The following CILK1 variants were observed in gnomAD, a reference collection of about 807,000 sequenced individuals.
The protein encoded by CILK1 is ciliogenesis associated kinase 1.
A neutral mutation model predicts 79.2 loss-of-function variants in CILK1; 47 were observed. That is an observed-to-expected ratio of 0.59 (90% confidence interval 0.47 to 0.76). The LOEUF is 0.76. Ranked by LOEUF, CILK1 falls within the 30% of genes least tolerant of loss-of-function variation. CILK1 has a pLI of 0.00. For missense variants in CILK1, 660 were observed against 769.5 expected (o/e 0.86, Z 1.68); for synonymous variants, 266 against 275.9 (o/e 0.96, Z 0.36).
In CILK1 at chr6:53,041,377, C is replaced by G; in HGVS notation, c.-141G>C. The G allele has an allele frequency of 1.5e-6, 1 of 670,472 alleles. No individual in the cohort carries two copies. Among genetic ancestry groups the G allele is most frequent in the South Asian group, 1.6e-5 (1 of 64,504 alleles). The allele number at this position is 670,472 out of a possible 1,614,324, so 41.5% of individuals were successfully genotyped here. Reference sequence around the variant, plus strand: ...TATTCAATAGGACGTGACTGTCTCCCAAATACATATTTCCAAAAATCAGTC... The same window carrying G: ...TATTCAATAGGACGTGACTGTCTCCGAAATACATATTTCCAAAAATCAGTC... On this transcript the variant is annotated 5_prime_UTR_variant, in exon 2 of 14. Transcript: ENST00000676107.
chr6:53,026,324 T>G (rs1224103790), intron 5 of CILK1, among the ~76,000 whole-genome samples: 3 of 152,078 alleles, frequency 2.0e-5, no homozygotes, highest in Non-Finnish European at 2.9e-5. Flanking sequence ...AATTTTTGTA[T>G]TTTTAGTAGA....
chr6:53,054,050 C>T (rs549165601), intron 1 of CILK1, among the ~76,000 whole-genome samples: 3 of 152,260 alleles, frequency 2.0e-5, no homozygotes, highest in Non-Finnish European at 2.9e-5. Context: ...CAAAGGTTAG[C>T]GGAGAAGACA....
At position 53,002,524 on chromosome 6, in the gene CILK1, G is replaced by A. The variant is rs1033003383; in HGVS notation, c.*2625C>T. 4 of 152,212 alleles carry A rather than the reference G, an allele frequency of 2.6e-5. No individual in the cohort carries two copies. Among genetic ancestry groups the A allele is most frequent in the African/African-American group, 9.6e-5 (4 of 41,458 alleles). The allele number at this position is 152,212 out of a possible 1,614,324, so 9.4% of individuals were successfully genotyped here. On this transcript the variant is annotated 3_prime_UTR_variant, in exon 14 of 14. Coordinates refer to ENST00000676107, the MANE Select transcript of CILK1 (RefSeq NM_014920.5). ...TGGCTGCAGGTTCTCAGTCAGAACA[G>A]AAACAGAGAGACAAAAGAAATGGTT...
intron 12 of CILK1, 73 bp from the exon 13 acceptor site, chr6:53,006,510 C>T: frequency 6.6e-7 from 1 of 1,520,242 alleles, no homozygotes; most frequent in South Asian, 1.1e-5. Flanking sequence ...TAAATGACAG[C>T]ACTGCAGAGC....
intron 5 of CILK1, among the ~76,000 whole-genome samples, chr6:53,019,702 T>C (rs972628915): frequency 3.9e-5 from 6 of 152,336 alleles, no homozygotes; most frequent in African/African-American, 1.4e-4. Context: ...CATCTCATTC[T>C]ATTGCCTAGG....
rs371456398 is a variant in CILK1 at position 53,020,710 on chromosome 6, G to A, written c.359-1351C>T. 7.2e-5 allele frequency among the ~76,000 whole-genome samples: 11 copies of A among 152,158 alleles called. No homozygotes were observed. In the East Asian group the frequency reaches 1.7e-3, roughly 24 times the overall value. ...AATCTGTATCAATGTTGTGAAAGCT[G>A]GATTCTAACTAGCACATTATGGGAG... is the stretch of plus-strand genomic sequence containing the variant. On this transcript the variant is annotated intron_variant, in intron 5 of 13. Transcript: ENST00000676107.
chr6:53,014,036 T>C, intron 8 of CILK1, 54 bp from the exon 9 acceptor site: 1 of 1,359,382 alleles, frequency 7.4e-7, no homozygotes, highest in Admixed American at 1.8e-5. Context: ...AAGTTACCAC[T>C]GTCTTGATTA....
chr6:53,022,709 T>C (rs751480851), intron 5 of CILK1, among the ~76,000 whole-genome samples: 1 of 152,222 alleles, frequency 6.6e-6, no homozygotes, highest in Non-Finnish European at 1.5e-5. Context: ...CCAACACCTG[T>C]TTTGAGTTTC....
At chr6:53,031,863 CG>C (rs1765986921) in intron 4 of CILK1, among the ~76,000 whole-genome samples, 1 of 151,766 alleles carries the variant, frequency 6.6e-6, no homozygotes, top group Admixed American at 6.6e-5. Flanking sequence ...GATGGAGTTT[CG>C]CCGTTGTTGA....
In CILK1 at chr6:53,006,323, G is replaced by C. The variant is rs1561999289; in HGVS notation, c.1736C>G (p.Pro579Arg). 6.2e-7 allele frequency: 1 copy of C among 1,613,740 alleles called. No individual in the cohort carries two copies. Among genetic ancestry groups the C allele is most frequent in the East Asian group, 2.2e-5 (1 of 44,874 alleles). The stretch of plus-strand genomic sequence containing the variant: ...TTTAAAATACAACTCACCAGGGGAA[G>C]GGTCTGGAATAGGTGCTAGGTGTAC... The part of the protein sequence containing the change: ...QRVHLAPIPD[P>R]SPGYSSLKAM... The change falls in exon 13 of 14, where the codon CCT becomes CGT. Residue 579 changes from proline (P) to arginine (R), a missense_variant. Coordinates refer to ENST00000676107, the MANE Select transcript of CILK1 (RefSeq NM_014920.5).
chr6:53,049,426 TG>T (rs1431620879), intron 1 of CILK1, among the ~76,000 whole-genome samples: 1 of 152,224 alleles, frequency 6.6e-6, no homozygotes, highest in East Asian at 1.9e-4. Context: ...GCTTCCATTT[TG>T]AAAGAAAATA....
In CILK1 at chr6:53,009,561, C is replaced by A; in HGVS notation, c.1499G>T (p.Ser500Ile). 1.2e-6 allele frequency: 2 copies of A among 1,605,238 alleles called. No individual in the cohort carries two copies. The highest frequency in any genetic ancestry group is 1.7e-6 in the Non-Finnish European group (2 of 1,171,924). ...ATTCGAGAGTATGCCATTTCTTATA[C>A]TGATCCCTGATAGAGAAGAAATGAT... ...LKHSRYLPGI[S>I]IRNGILSNPG... Residue 500 changes from serine to isoleucine, a missense_variant, in exon 12 of 14, where the codon AGT (serine) becomes ATT (isoleucine). Transcript: ENST00000676107.
In CILK1 at chr6:53,013,540, T is replaced by C. The variant is rs1362228783; in HGVS notation, c.1152+122A>G. 1.7e-5 allele frequency: 16 copies of C among 936,646 alleles called. No homozygotes were observed. In the East Asian group the frequency reaches 1.9e-4, roughly 11 times the overall value. The allele number at this position is 936,646 out of a possible 1,614,324, so 58.0% of individuals were successfully genotyped here. ...AAGGGTCTTTACAATTCCATGCTGT[T>C]GCAAACATAAATCTACCATAACTGG... On this transcript the variant is annotated intron_variant, in intron 9 of 13. Coordinates refer to ENST00000676107, the MANE Select transcript of CILK1 (RefSeq NM_014920.5).
chr6:53,038,258 C>G lies in CILK1; in HGVS notation c.102-265G>C, dbSNP rs1255842075. 2.0e-5 allele frequency among the ~76,000 whole-genome samples: 3 copies of G among 152,264 alleles called. No homozygotes were observed. In the South Asian group the frequency reaches 6.2e-4, roughly 32 times the overall value. On this transcript the variant is annotated intron_variant, in intron 2 of 13. Transcript: ENST00000676107. ...GTCTTACTCTATACTAACTAACTAACCTTGCTCTGGAAGGAAATTGCTCAG... is the reference window on the plus strand; with the variant it reads ...GTCTTACTCTATACTAACTAACTAAGCTTGCTCTGGAAGGAAATTGCTCAG...
At chr6:53,030,080 T>A (rs866745959) in intron 5 of CILK1, among the ~76,000 whole-genome samples, 13 of 152,244 alleles carry the variant, frequency 8.5e-5, no homozygotes, top group African/African-American at 3.1e-4. Context: ...AACTCTTTGC[T>A]GCTTAATACC....
At chr6:53,035,593 C>T (rs1208313497) in intron 3 of CILK1, among the ~76,000 whole-genome samples, 1 of 152,084 alleles carries the variant, frequency 6.6e-6, no homozygotes, top group Non-Finnish European at 1.5e-5. Flanking sequence ...TGCAGAATAT[C>T]CCTGAAGTCC....
intron 1 of CILK1, among the ~76,000 whole-genome samples, chr6:53,044,641 G>A (rs1216660020): frequency 2.0e-5 from 3 of 152,200 alleles, no homozygotes. Flanking sequence ...GCTATGGACT[G>A]AATGATATCC....
intron 1 of CILK1, among the ~76,000 whole-genome samples, chr6:53,047,087 C>A (rs951296692): frequency 6.6e-6 from 1 of 152,256 alleles, no homozygotes; most frequent in Admixed American, 6.5e-5. Flanking sequence ...TTTACTCATG[C>A]CTAGCCCCAG....
intron 13 of CILK1, among the ~76,000 whole-genome samples, chr6:53,005,609 C>A (rs993713382): frequency 6.6e-6 from 1 of 152,114 alleles, no homozygotes; most frequent in Admixed American, 6.5e-5. Flanking sequence ...TGAACTACTA[C>A]CACGCTGGCC....
Sources: gnomAD v4.1 joint callset for allele counts (sites outside exome capture counted in the v4.1 genomes callset) on GRCh38, gnomAD v4.1.1 for gene constraint, MANE v1.5 for transcripts, NCBI Gene and HGNC (gene_info 2026-07-23, HGNC 2026-07-21) for gene names.